Variants in APBA2 observed in about 807,000 individuals in gnomAD.
The protein encoded by APBA2 is amyloid-beta A4 precursor protein-binding family A member 2.
APBA2 carries 30 observed loss-of-function variants against 75.0 expected under a neutral mutation model. The observed-to-expected ratio is 0.40, with a 90% CI of 0.30 to 0.54. APBA2 has a LOEUF of 0.54. Ranked by LOEUF, APBA2 falls within the 20% of genes least tolerant of loss-of-function variation. APBA2 has a pLI of 0.49. For missense variants in APBA2, 801 were observed against 1,016.1 expected (o/e 0.79, Z 2.88); for synonymous variants, 444 against 409.6 (o/e 1.08, Z -1.01).
intron 13 of APBA2, among the ~76,000 whole-genome samples, chr15:29,110,625 C>A (rs1336421826): frequency 6.6e-6 from 1 of 152,208 alleles, no homozygotes; most frequent in African/African-American, 2.4e-5. Context: ...CCATGAGGAG[C>A]ACAGGAACTG....
intron 3 of APBA2, among the ~76,000 whole-genome samples, chr15:29,028,532 A>G (rs977229662): frequency 6.6e-6 from 1 of 152,152 alleles, no homozygotes. Context: ...CAGTAATGGG[A>G]TCACTGGGTC....
intron 3 of APBA2, among the ~76,000 whole-genome samples, chr15:29,002,183 T>C (rs534433114): frequency 1.3e-5 from 2 of 152,362 alleles, no homozygotes; most frequent in East Asian, 3.9e-4. Flanking sequence ...ACTTTTACCA[T>C]GTGTGCTGCT....
chr15:29,034,962 A>G (rs1052991641), intron 3 of APBA2, among the ~76,000 whole-genome samples: 6 of 152,196 alleles, frequency 3.9e-5, no homozygotes, highest in Non-Finnish European at 8.8e-5. Flanking sequence ...CAATGACAGA[A>G]TGGGAAGTTT....
At position 29,114,864 on chromosome 15, in the gene APBA2, TGGGTGTGTGCAG is replaced by T. The variant is rs1189083006; in HGVS notation, c.2178+858_2178+869del. Reference sequence around the variant, plus strand: ...CATGGGGTGTGTAGGAGTGCGAGTGTGGGTGTGTGCAGGGGTGTGTGGCTGTGGGTGTGTGTG... The same window carrying T: ...CATGGGGTGTGTAGGAGTGCGAGTGTGGGTGTGTGGCTGTGGGTGTGTGTG... On this transcript the variant is annotated intron_variant, in intron 14 of 14. Transcript: ENST00000683413. Among the ~76,000 whole-genome samples the T allele has an allele frequency of 1.2e-4, 17 of 138,000 alleles. No homozygotes were observed. The Admixed American group carries it at 1.4e-3, about 11-fold the overall frequency. 90.5% of individuals were successfully genotyped at this position (138,000 alleles called of 152,430 possible).
At chr15:28,932,604 C>G (rs955657103) in intron 2 of APBA2, among the ~76,000 whole-genome samples, 1 of 152,182 alleles carries the variant, frequency 6.6e-6, no homozygotes, top group Non-Finnish European at 1.5e-5. Context: ...GTGGACGGCC[C>G]CATAGGGGGT....
intron 3 of APBA2, among the ~76,000 whole-genome samples, chr15:29,020,391 C>G (rs1226279513): frequency 6.6e-6 from 1 of 151,332 alleles, no homozygotes; most frequent in Non-Finnish European, 1.5e-5. Flanking sequence ...GCATTCTTTT[C>G]CTTTTTCTTA....
chr15:28,891,659 C>T (rs1383163854), intron 1 of APBA2, among the ~76,000 whole-genome samples: 1 of 152,140 alleles, frequency 6.6e-6, no homozygotes, highest in Admixed American at 6.5e-5. Flanking sequence ...ACTTGTTGTC[C>T]CTAGAATCAA....
intron 2 of APBA2, among the ~76,000 whole-genome samples, chr15:28,922,869 T>C (rs898003663): frequency 6.6e-6 from 1 of 152,208 alleles, no homozygotes; most frequent in Non-Finnish European, 1.5e-5. Context: ...ACATGCACCA[T>C]GCACCGTGCT....
chr15:28,891,779 G>C lies in APBA2; in HGVS notation c.-205+5501G>C, dbSNP rs796786596. On this transcript the variant is annotated intron_variant, in intron 1 of 14. Transcript: ENST00000683413. ...ACACTATTGACATTTGGCATTTTCA[G>C]TTGAGATATATGTGTACAGTCATGC... 2.0e-5 allele frequency among the ~76,000 whole-genome samples: 3 copies of C among 152,264 alleles called. No individual in the cohort carries two copies. The South Asian group carries it at 6.2e-4, about 32-fold the overall frequency.
intron 1 of APBA2, among the ~76,000 whole-genome samples, chr15:28,910,534 C>A (rs1262179530): frequency 1.3e-5 from 2 of 152,148 alleles, no homozygotes; most frequent in Non-Finnish European, 2.9e-5. Context: ...CGAGTATTTC[C>A]CACCCATGGA....
At chr15:28,965,362 G>A (rs751787935) in intron 2 of APBA2, among the ~76,000 whole-genome samples, 8 of 152,048 alleles carry the variant, frequency 5.3e-5, no homozygotes, top group African/African-American at 1.9e-4. Flanking sequence ...ATATCACACT[G>A]TCTTGATTAC....
chr15:29,093,587 T>G (rs1467408205), intron 7 of APBA2, among the ~76,000 whole-genome samples: 2 of 152,260 alleles, frequency 1.3e-5, no homozygotes, highest in Admixed American at 6.5e-5. Flanking sequence ...AATCACGTTT[T>G]ATTTAAATTC....
chr15:28,985,460 A>G (rs1308137407), intron 2 of APBA2, among the ~76,000 whole-genome samples: 4 of 152,244 alleles, frequency 2.6e-5, no homozygotes, highest in Non-Finnish European at 4.4e-5. Context: ...CTGCCACCTC[A>G]GCTGACTGTT....
At chr15:29,034,940 G>A (rs2040670446) in intron 3 of APBA2, among the ~76,000 whole-genome samples, 1 of 152,194 alleles carries the variant, frequency 6.6e-6, no homozygotes, top group Non-Finnish European at 1.5e-5. Context: ...TTGGCCATAG[G>A]TTTTTACATT....
intron 1 of APBA2, among the ~76,000 whole-genome samples, chr15:28,909,816 CT>C (rs752477421): frequency 6.6e-6 from 1 of 152,198 alleles, no homozygotes; most frequent in Non-Finnish European, 1.5e-5. Flanking sequence ...GACCACAGGG[CT>C]TCTAAAGGAT....
At chr15:29,012,795 T>G (rs2039463769) in intron 3 of APBA2, among the ~76,000 whole-genome samples, 1 of 152,246 alleles carries the variant, frequency 6.6e-6, no homozygotes, top group Non-Finnish European at 1.5e-5. Flanking sequence ...TTGCAATTTC[T>G]TATTTCCCCA....
intron 1 of APBA2, among the ~76,000 whole-genome samples, chr15:28,919,908 T>C (rs1310714473): frequency 6.6e-6 from 1 of 152,202 alleles, no homozygotes; most frequent in Non-Finnish European, 1.5e-5. Flanking sequence ...AGTGGCATGT[T>C]CTGTGGCAGC....
rs1352244755 is a variant in APBA2 at position 28,888,470 on chromosome 15, C to G, written c.-205+2192C>G. On this transcript the variant is annotated intron_variant, in intron 1 of 14. Coordinates refer to ENST00000683413, the MANE Select transcript of APBA2 (RefSeq NM_001353788.2). ...TGGGGGTTGAGCCTGGCTTCAGAGA[C>G]CCCCTCGAGGCCTCAGCTCCTCTCC... Among the ~76,000 whole-genome samples, 5 of 152,132 alleles carry G rather than the reference C, an allele frequency of 3.3e-5. No individual in the cohort carries two copies. The East Asian group carries it at 9.6e-4, about 29-fold the overall frequency.
At chr15:28,952,356 C>T (rs187633771) in intron 2 of APBA2, among the ~76,000 whole-genome samples, 1 of 151,930 alleles carries the variant, frequency 6.6e-6, no homozygotes, top group Non-Finnish European at 1.5e-5. Context: ...ATAGAGTGAC[C>T]TTGTCTCTAC....
Sources: allele counts gnomAD v4.1 joint callset (sites outside exome capture counted in the v4.1 genomes callset), GRCh38; gene constraint gnomAD v4.1.1; transcripts MANE v1.5; gene names NCBI Gene and HGNC (gene_info 2026-07-23, HGNC 2026-07-21).